The following MDGA2 variants were observed in gnomAD, a reference collection of about 807,000 sequenced individuals.
MDGA2 encodes the protein MAM domain-containing glycosylphosphatidylinositol anchor protein 2.
A neutral mutation model predicts 117.8 loss-of-function variants in MDGA2; 40 were observed. That is an observed-to-expected ratio of 0.34 (90% CI 0.26 to 0.44). MDGA2 has a LOEUF of 0.44. MDGA2 is among the 20% of genes least tolerant of loss of function. The pLI, the probability that MDGA2 is intolerant of heterozygous loss-of-function variation, is 1.00. For synonymous variants in MDGA2, 452 were observed against 439.0 expected, an observed-to-expected ratio of 1.03 and a Z score of -0.37; for missense variants, 1,123 against 1,250.6, an observed-to-expected ratio of 0.90 and a Z score of 1.54.
intron 2 of MDGA2, among the ~76,000 whole-genome samples, chr14:47,260,005 G>A (rs933927959): frequency 4.6e-5 from 7 of 152,022 alleles, no homozygotes; most frequent in African/African-American, 9.7e-5. Flanking sequence ...AGCTGGGGGC[G>A]GATGGGGAGC....
At chr14:47,336,921 G>A (rs73251872) in intron 1 of MDGA2, among the ~76,000 whole-genome samples, 6,176 of 151,946 alleles carry the variant, frequency 0.041, 172 homozygotes, top group African/African-American at 0.076. Context: ...TTCAATGTAT[G>A]CTTAATAATT....
intron 1 of MDGA2, among the ~76,000 whole-genome samples, chr14:47,512,176 G>T (rs760062115): frequency 3.9e-5 from 6 of 152,046 alleles, no homozygotes; most frequent in Non-Finnish European, 7.4e-5. Context: ...CTAAGTTCAG[G>T]TGGCATATGT....
At chr14:47,162,103 G>A (rs996406377) in intron 3 of MDGA2, among the ~76,000 whole-genome samples, 9 of 151,546 alleles carry the variant, frequency 5.9e-5, no homozygotes, top group East Asian at 2.0e-4. Context: ...TTGCCACCAC[G>A]CCCAGCTAGT....
chr14:47,532,191 GA>G, intron 1 of MDGA2, among the ~76,000 whole-genome samples: 1 of 152,266 alleles, frequency 6.6e-6, no homozygotes, highest in South Asian at 2.1e-4. Context: ...TAAAGGCAGA[GA>G]AAAATTTCCA....
chr14:47,443,699 A>G (rs1893062827), intron 1 of MDGA2, among the ~76,000 whole-genome samples: 1 of 152,170 alleles, frequency 6.6e-6, no homozygotes, highest in Admixed American at 6.6e-5. Context: ...AATAATAATA[A>G]ATCCAGAATA....
chr14:47,176,271 G>A (rs1052108764), intron 3 of MDGA2, among the ~76,000 whole-genome samples: 5 of 152,118 alleles, frequency 3.3e-5, no homozygotes, highest in Admixed American at 6.5e-5. Context: ...AGCTACCAAT[G>A]CCTTTCTTCA....
intron 1 of MDGA2, among the ~76,000 whole-genome samples, chr14:47,486,145 A>G (rs1894055915): frequency 6.6e-6 from 1 of 152,216 alleles, no homozygotes; most frequent in Admixed American, 6.5e-5. Context: ...GAGGGAGGCT[A>G]TACCCTGCAA....
At chr14:47,112,265 G>T (rs1881082765) in intron 5 of MDGA2, among the ~76,000 whole-genome samples, 1 of 152,108 alleles carries the variant, frequency 6.6e-6, no homozygotes, top group African/African-American at 2.4e-5. Context: ...TTTAAGTTCT[G>T]GGATACATGT....
intron 1 of MDGA2, among the ~76,000 whole-genome samples, chr14:47,560,350 C>A (rs990589335): frequency 6.6e-6 from 1 of 152,046 alleles, no homozygotes; most frequent in Non-Finnish European, 1.5e-5. Flanking sequence ...GGATTACAGG[C>A]GTTAGCCACC....
intron 1 of MDGA2, chr14:47,626,432 CG>C (rs1897141639): frequency 1.3e-5 from 2 of 153,268 alleles, no homozygotes; most frequent in Admixed American, 6.5e-5. Flanking sequence ...GGCGCCTCCT[CG>C]GCTTTGGCAC....
At chr14:46,919,990 G>A in intron 10 of MDGA2, 22 bp downstream of exon 10, 2 of 1,549,684 alleles carry the variant, frequency 1.3e-6, no homozygotes, top group East Asian at 2.3e-5. Flanking sequence ...AAAGAAAAAA[G>A]GACATCAGTT....
chr14:47,391,965 G>A (rs1274347536), intron 1 of MDGA2, among the ~76,000 whole-genome samples: 2 of 152,106 alleles, frequency 1.3e-5, no homozygotes, highest in Non-Finnish European at 2.9e-5. Flanking sequence ...AGGGCTAAAG[G>A]AGACGACTTT....
Position 46,855,398 on chromosome 14 carries a change from A to AT in MDGA2, c.2753-245dup, listed in dbSNP as rs1482399940. ...CTGATATTGCAAAAGGGATTTAAGG[A>AT]TTTTGCAATGGGGAGATTATTCTAG... On this transcript the variant is annotated intron_variant, in intron 14 of 16. Coordinates refer to ENST00000399232, the MANE Select transcript of MDGA2 (RefSeq NM_001113498.3). This position sits in a 1 kb window ranked among gnomAD's most constrained non-coding sequence, Gnocchi z 4.1. Among the ~76,000 whole-genome samples the AT allele has an allele frequency of 6.6e-6, 1 of 152,096 alleles. No homozygotes were observed. Among genetic ancestry groups the AT allele is most frequent in the Non-Finnish European group, 1.5e-5 (1 of 68,000 alleles).
chr14:47,436,245 T>G (rs1404011084), intron 1 of MDGA2, among the ~76,000 whole-genome samples: 3 of 152,176 alleles, frequency 2.0e-5, no homozygotes, highest in Non-Finnish European at 4.4e-5. Context: ...TCAAGATTTT[T>G]TAAATGGCTA....
intron 1 of MDGA2, among the ~76,000 whole-genome samples, chr14:47,487,234 C>A (rs1032395395): frequency 6.6e-6 from 1 of 152,146 alleles, no homozygotes; most frequent in Non-Finnish European, 1.5e-5. Flanking sequence ...TCAGCTGTAT[C>A]AACATTACTG....
intron 8 of MDGA2, among the ~76,000 whole-genome samples, chr14:46,959,364 T>C (rs187955650): frequency 2.8e-4 from 43 of 151,782 alleles, no homozygotes; most frequent in African/African-American, 7.2e-4. Context: ...TTTATTATGT[T>C]AGTATTTGCA....
chr14:46,995,111 A>T (rs573545475), intron 8 of MDGA2, among the ~76,000 whole-genome samples: 1 of 152,306 alleles, frequency 6.6e-6, no homozygotes, highest in African/African-American at 2.4e-5. Flanking sequence ...AGATGGCGAT[A>T]AATATTTTAT....
intron 5 of MDGA2, among the ~76,000 whole-genome samples, chr14:47,115,972 T>C (rs2139078103): frequency 6.6e-6 from 1 of 152,148 alleles, no homozygotes; most frequent in South Asian, 2.1e-4. Flanking sequence ...GCATTAAAAC[T>C]GAAAAGGAAC....
At chr14:46,859,185 T>C (rs916021860) in intron 14 of MDGA2, among the ~76,000 whole-genome samples, 3 of 152,156 alleles carry the variant, frequency 2.0e-5, no homozygotes, top group Non-Finnish European at 4.4e-5. Context: ...TCTGGTTTCA[T>C]TGTGCTGCCA....
Sources: gnomAD v4.1 joint callset for allele counts (sites outside exome capture counted in the v4.1 genomes callset) on GRCh38, gnomAD v4.1.1 for gene constraint, Gnocchi (gnomAD v3.1) non-coding constraint, MANE v1.5 for transcripts, NCBI Gene and HGNC (gene_info 2026-07-23, HGNC 2026-07-21) for gene names.